The following NYAP2 variants were observed in gnomAD, a reference collection of about 807,000 sequenced individuals.
The protein encoded by NYAP2 is neuronal tyrosine-phosphorylated phosphoinositide-3-kinase adapter 2.
A neutral mutation model predicts 50.4 loss-of-function variants in NYAP2; 23 were observed. The observed-to-expected ratio is 0.46, with a 90% CI of 0.33 to 0.65. The LOEUF (loss-of-function observed/expected upper bound fraction) is 0.65, where lower values mean the gene tolerates loss of function less well. Among genes scored for constraint, NYAP2 ranks in the 30% least tolerant of loss-of-function variants. The pLI is 0.02. For synonymous variants in NYAP2, 394 were observed against 365.2 expected (o/e 1.08, Z -0.90); for missense variants, 885 against 861.0 (o/e 1.03, Z -0.35).
Position 225,582,791 on chromosome 2 carries a change from C to T in NYAP2, c.1374C>T (p.Asp458=), listed in dbSNP as rs9917363. 7.0e-3 allele frequency: 11,301 copies of T among 1,613,922 alleles called. 601 individuals are homozygous for T. The African/African-American group carries it at 0.13, about 18-fold the overall frequency. The change falls in exon 5 of 7, where the codon GAC becomes GAT. Residue 458 remains aspartate (D), a synonymous_variant. Transcript: ENST00000636099. The surrounding 1 kb of genome is among the most constrained non-coding windows in gnomAD (Gnocchi z 7.0). ...GCCTCAAAAGGCCTCCCCCTTACGACGCTGTGCATTCGGGCAGCCTCTCAA... is the reference window on the plus strand; with the variant it reads ...GCCTCAAAAGGCCTCCCCCTTACGATGCTGTGCATTCGGGCAGCCTCTCAA...
intron 3 of NYAP2, among the ~76,000 whole-genome samples, chr2:225,433,802 G>A (rs1298904188): frequency 2.4e-5 from 3 of 124,790 alleles, no homozygotes; most frequent in Non-Finnish European, 4.8e-5. Context: ...GGGCGACAGA[G>A]CGAGACTCCG....
chr2:225,475,970 A>G (rs1245270622), intron 3 of NYAP2, among the ~76,000 whole-genome samples: 3 of 152,238 alleles, frequency 2.0e-5, no homozygotes, highest in Non-Finnish European at 4.4e-5. Flanking sequence ...TGATTTTCCA[A>G]TAAATAAGTG....
rs565182157 is a variant in NYAP2, at chr2:225,444,829, A to G, written c.221+35728A>G. 2.6e-5 allele frequency among the ~76,000 whole-genome samples: 4 copies of G among 152,348 alleles called. No individual in the cohort carries two copies. In the South Asian group the frequency reaches 8.3e-4, roughly 32 times the overall value. ...TCTACTCTGGAAATGTTAATAATGT[A>G]TATAATAGCATGTTAAAAGACAATA... On this transcript the variant is annotated intron_variant, in intron 3 of 6. Transcript: ENST00000636099.
the NYAP2 span, among the ~76,000 whole-genome samples, chr2:225,682,819 T>C: frequency 6.6e-6 from 1 of 152,096 alleles, no homozygotes. Flanking sequence ...AGCCCAGAGT[T>C]CTTATGAGAG....
chr2:225,410,113 C>T (rs140915202), intron 3 of NYAP2, among the ~76,000 whole-genome samples: 2,380 of 152,062 alleles, frequency 0.016, 22 homozygotes, highest in Non-Finnish European at 0.025. Flanking sequence ...TAGGTGAGAT[C>T]ACACTACTCC....
At chr2:225,445,526 T>C (rs551991227) in intron 3 of NYAP2, among the ~76,000 whole-genome samples, 62 of 151,422 alleles carry the variant, frequency 4.1e-4, no homozygotes, top group African/African-American at 1.4e-3. Flanking sequence ...TCTCTCTTAA[T>C]TGACCACTTT....
At chr2:225,663,557 C>CT in the NYAP2 span, among the ~76,000 whole-genome samples, 10 of 151,398 alleles carry the variant, frequency 6.6e-5, no homozygotes, top group African/African-American at 1.7e-4. Flanking sequence ...TTCTTTCTCA[C>CT]TTTTTTTTTC....
At chr2:225,513,852 A>G (rs774479564) in intron 4 of NYAP2, among the ~76,000 whole-genome samples, 180 bp downstream of exon 4, 2 of 152,246 alleles carry the variant, frequency 1.3e-5, no homozygotes, top group Non-Finnish European at 2.9e-5. Flanking sequence ...AATTTCCAGA[A>G]GAATGTATTT....
the NYAP2 span, among the ~76,000 whole-genome samples, chr2:225,678,334 C>T: frequency 1.3e-4 from 20 of 152,062 alleles, no homozygotes; most frequent in African/African-American, 4.6e-4. Flanking sequence ...AGCTAATGAT[C>T]TATCAATTTA....
chr2:225,640,801 A>G (rs143003820), intron 6 of NYAP2, among the ~76,000 whole-genome samples: 3 of 152,198 alleles, frequency 2.0e-5, no homozygotes, highest in African/African-American at 7.2e-5. Flanking sequence ...ATTCATACAC[A>G]CACATATTTC....
chr2:225,651,600 C>G, exon 7 of NYAP2: 1 of 1,612,028 alleles, frequency 6.2e-7, no homozygotes, highest in Non-Finnish European at 8.5e-7. Context: ...TGCTTCCCAC[C>G]TCTGTCTGTC....
chr2:225,582,945 C>T lies in NYAP2; in HGVS notation c.1528C>T (p.Pro510Ser). The T allele has an allele frequency of 1.2e-6, 2 of 1,612,664 alleles. No homozygotes were observed. The highest frequency in any genetic ancestry group is 2.2e-5 in the East Asian group (1 of 44,862). ...CTCCCGGTCCCGGACACCCACGAGCCCGCTGGAGGAGCTGACCAGCCTCTT... is the reference window on the plus strand; with the variant it reads ...CTCCCGGTCCCGGACACCCACGAGCTCGCTGGAGGAGCTGACCAGCCTCTT... Residue 510 changes from proline to serine, a missense_variant, in exon 5 of 7, where the codon CCG (proline) becomes TCG (serine). Coordinates refer to ENST00000636099, the Ensembl canonical transcript of NYAP2. This position sits in a 1 kb window ranked among gnomAD's most constrained non-coding sequence, Gnocchi z 7.0.
intron 6 of NYAP2, among the ~76,000 whole-genome samples, chr2:225,647,857 A>C (rs1693660198): frequency 6.6e-6 from 1 of 152,232 alleles, no homozygotes; most frequent in Admixed American, 6.5e-5. Context: ...GAAAATGGTG[A>C]GATATGGTTT....
intron 6 of NYAP2, among the ~76,000 whole-genome samples, chr2:225,641,126 G>T (rs1014356135): frequency 2.6e-5 from 4 of 152,026 alleles, no homozygotes; most frequent in Non-Finnish European, 4.4e-5. Flanking sequence ...GCAGGGCGGT[G>T]GTTCCACCCT....
At chr2:225,480,273 GA>G (rs1374999929) in intron 3 of NYAP2, among the ~76,000 whole-genome samples, 2 of 151,758 alleles carry the variant, frequency 1.3e-5, no homozygotes, top group Non-Finnish European at 2.9e-5. Flanking sequence ...ATTCTAGAAA[GA>G]AAAAAATGAT....
chr2:225,563,808 C>T (rs1034934271), intron 4 of NYAP2, among the ~76,000 whole-genome samples: 5 of 151,978 alleles, frequency 3.3e-5, no homozygotes, highest in African/African-American at 4.8e-5. Flanking sequence ...CTTTAAATTC[C>T]TGTTAATATT....
intron 3 of NYAP2, among the ~76,000 whole-genome samples, chr2:225,420,199 A>G (rs1445206153): frequency 6.6e-6 from 1 of 152,130 alleles, no homozygotes; most frequent in Non-Finnish European, 1.5e-5. Flanking sequence ...AGCATGTGAT[A>G]TTTTAAGTGC....
At chr2:225,481,401 G>T (rs549890938) in intron 3 of NYAP2, among the ~76,000 whole-genome samples, 2 of 152,108 alleles carry the variant, frequency 1.3e-5, no homozygotes, top group South Asian at 4.1e-4. Flanking sequence ...ACTCTCTAAA[G>T]TCCAGTGAAT....
intron 3 of NYAP2, among the ~76,000 whole-genome samples, chr2:225,445,787 A>C (rs767625043): frequency 8.5e-5 from 13 of 152,168 alleles, no homozygotes; most frequent in Non-Finnish European, 1.6e-4. Context: ...ACAAAGAAGA[A>C]ATTAAATTCA....
Sources: allele counts gnomAD v4.1 joint callset (sites outside exome capture counted in the v4.1 genomes callset), GRCh38; gene constraint gnomAD v4.1.1; non-coding constraint Gnocchi (gnomAD v3.1); transcripts MANE v1.5; gene names NCBI Gene and HGNC (gene_info 2026-07-23, HGNC 2026-07-21).